The following PRKCE variants were observed in gnomAD, a reference collection of about 807,000 sequenced individuals.
The protein encoded by PRKCE is protein kinase C epsilon, also known as protein kinase C epsilon type.
A neutral mutation model predicts 85.4 loss-of-function variants in PRKCE; 16 were observed. That is an observed-to-expected ratio of 0.19 (90% CI 0.13 to 0.28). The LOEUF is 0.28. Among genes scored for constraint, PRKCE ranks in the 10% least tolerant of loss-of-function variants. The pLI is 1.00. For missense variants in PRKCE, 573 were observed against 975.2 expected (o/e 0.59, Z 5.49); for synonymous variants, 388 against 371.5 (o/e 1.04, Z -0.51).
At chr2:45,994,506 C>G (rs757980222) in intron 6 of PRKCE, among the ~76,000 whole-genome samples, 2 of 152,210 alleles carry the variant, frequency 1.3e-5, no homozygotes, top group Admixed American at 6.5e-5. Context: ...ATAGTTTTAC[C>G]TTTTCCAGAA....
intron 1 of PRKCE, among the ~76,000 whole-genome samples, chr2:45,678,655 T>A (rs2103907011): frequency 6.6e-6 from 1 of 152,254 alleles, no homozygotes; most frequent in East Asian, 1.9e-4. Context: ...ATAAATAAAT[T>A]ATTTACTGTC....
chr2:46,118,206 G>A (rs12616328), intron 11 of PRKCE, among the ~76,000 whole-genome samples: 118,980 of 152,146 alleles, frequency 0.78, 46,816 homozygotes, highest in East Asian at 0.97. Context: ...AGGTTGTTTA[G>A]AATGACGACA....
intron 13 of PRKCE, among the ~76,000 whole-genome samples, chr2:46,154,753 A>G (rs542689776): frequency 5.3e-5 from 8 of 150,422 alleles, no homozygotes; most frequent in Non-Finnish European, 7.4e-5. Flanking sequence ...TTTTTTTACA[A>G]AAAACTAAAC....
In PRKCE at chr2:46,138,356, T is replaced by C. The variant is rs1341092092; in HGVS notation, c.1593-6737T>C. ...TATCTAATAGGTGGTCACGGGCAGT[T>C]ATGTAGGGTCAGCCCACGCTGCCTC... is the stretch of plus-strand genomic sequence containing the variant. On this transcript the variant is annotated intron_variant, in intron 11 of 14. Coordinates refer to ENST00000306156, the MANE Select transcript of PRKCE (RefSeq NM_005400.3). The surrounding 1 kb of genome is among the most constrained non-coding windows in gnomAD (Gnocchi z 4.2). Among the ~76,000 whole-genome samples, 1 of 152,206 alleles carries C rather than the reference T, an allele frequency of 6.6e-6. No individual in the cohort carries two copies. Among genetic ancestry groups the C allele is most frequent in the African/African-American group, 2.4e-5 (1 of 41,444 alleles).
At chr2:46,044,134 G>T (rs1453868305) in intron 10 of PRKCE, among the ~76,000 whole-genome samples, 2 of 152,216 alleles carry the variant, frequency 1.3e-5, no homozygotes, top group African/African-American at 4.8e-5. Flanking sequence ...ACGCACTGGG[G>T]ACTGTGTTCA....
chr2:45,777,759 C>G (rs1014657027), intron 1 of PRKCE, among the ~76,000 whole-genome samples: 4 of 152,090 alleles, frequency 2.6e-5, no homozygotes, highest in African/African-American at 7.2e-5. Flanking sequence ...CCCCCACACT[C>G]CTAATCACAG....
intron 1 of PRKCE, among the ~76,000 whole-genome samples, chr2:45,709,247 C>T (rs781195745): frequency 8.5e-5 from 13 of 152,330 alleles, no homozygotes; most frequent in South Asian, 2.1e-4. Flanking sequence ...GCCAGCATAC[C>T]GGGCAGACCC....
At chr2:45,863,028 G>A (rs2105674536) in intron 2 of PRKCE, among the ~76,000 whole-genome samples, 1 of 152,318 alleles carries the variant, frequency 6.6e-6, no homozygotes, top group African/African-American at 2.4e-5. Context: ...GAGGAGAAGA[G>A]AGCAGTTGGG....
At chr2:45,694,025 C>T (rs1011129333) in intron 1 of PRKCE, among the ~76,000 whole-genome samples, 1 of 151,676 alleles carries the variant, frequency 6.6e-6, no homozygotes, top group Non-Finnish European at 1.5e-5. Context: ...CCACCTTAAT[C>T]CTGGGGGATG....
intron 1 of PRKCE, among the ~76,000 whole-genome samples, chr2:45,826,682 C>T (rs1264474334): frequency 6.6e-6 from 1 of 152,180 alleles, no homozygotes; most frequent in African/African-American, 2.4e-5. Context: ...TGCAAACCTG[C>T]TCCTGTTCAC....
rs1202035552 is a variant in PRKCE at position 45,835,595 on chromosome 2, TTG to T, written c.349-7403_349-7402del. On this transcript the variant is annotated intron_variant, in intron 1 of 14. Coordinates refer to ENST00000306156, the MANE Select transcript of PRKCE (RefSeq NM_005400.3). The stretch of plus-strand genomic sequence containing the variant: ...GTTGTTGCATGTATCGGTAGTATAT[TTG>T]TTTTTTTTTTTTTTTTTAAGAGACA... Among the ~76,000 whole-genome samples the T allele has an allele frequency of 4.2e-3, 361 of 85,096 alleles. 5 individuals carry two copies. Among genetic ancestry groups the T allele is most frequent in the African/African-American group, 0.016 (332 of 21,062 alleles). The allele number at this position is 85,096 out of a possible 152,430, so 55.8% of individuals were successfully genotyped here. A position where few individuals can be genotyped will look rare whatever the true frequency, so the allele number is the denominator to read the frequency against.
intron 1 of PRKCE, among the ~76,000 whole-genome samples, chr2:45,684,681 A>C (rs1311686358): frequency 6.6e-6 from 1 of 152,178 alleles, no homozygotes; most frequent in Non-Finnish European, 1.5e-5. Flanking sequence ...GTCAGGGGGC[A>C]AGTTGGGACT....
chr2:45,988,500 C>T (rs943598620), intron 6 of PRKCE, among the ~76,000 whole-genome samples: 15 of 151,976 alleles, frequency 9.9e-5, no homozygotes, highest in African/African-American at 3.4e-4. Context: ...GGCATACAAC[C>T]AGGAACTGTG....
At chr2:45,810,089 G>A (rs1255086482) in intron 1 of PRKCE, among the ~76,000 whole-genome samples, 1 of 151,902 alleles carries the variant, frequency 6.6e-6, no homozygotes, top group African/African-American at 2.4e-5. Flanking sequence ...CCCCCAGGCT[G>A]GAGTGCAATG....
chr2:46,175,991 C>T (rs569492820), intron 14 of PRKCE, among the ~76,000 whole-genome samples: 1 of 152,256 alleles, frequency 6.6e-6, no homozygotes, highest in South Asian at 2.1e-4. Context: ...AACTCACCGT[C>T]TGGAGATTCC....
At chr2:45,706,773 C>G (rs540407594) in intron 1 of PRKCE, among the ~76,000 whole-genome samples, 1 of 152,314 alleles carries the variant, frequency 6.6e-6, no homozygotes, top group Non-Finnish European at 1.5e-5. Context: ...AAGAATACTG[C>G]ATGTGACTCA....
At chr2:45,966,659 A>G (rs1014193282) in intron 2 of PRKCE, among the ~76,000 whole-genome samples, 8 of 151,990 alleles carry the variant, frequency 5.3e-5, no homozygotes, top group Non-Finnish European at 1.2e-4. Flanking sequence ...ATCTAGTCCC[A>G]TTTCTGCTTT....
chr2:45,934,132 C>T (rs1699263649), intron 2 of PRKCE, among the ~76,000 whole-genome samples: 1 of 152,182 alleles, frequency 6.6e-6, no homozygotes, highest in African/African-American at 2.4e-5. Context: ...GCTCAGGGCA[C>T]ACTTGAAAGC....
chr2:45,905,815 T>C lies in PRKCE; in HGVS notation c.412+62752T>C, dbSNP rs184191593. On this transcript the variant is annotated intron_variant, in intron 2 of 14. Coordinates refer to ENST00000306156, the MANE Select transcript of PRKCE (RefSeq NM_005400.3). The surrounding 1 kb of genome is among the most constrained non-coding windows in gnomAD (Gnocchi z 4.4). The stretch of plus-strand genomic sequence containing the variant: ...GACCTGAACTGCTTACTCAACTCTG[T>C]ACTCAGTTACAAATTGGGTGAGATG... Among the ~76,000 whole-genome samples the C allele has an allele frequency of 1.4e-4, 22 of 152,352 alleles. 1 individual carries two copies. The highest frequency in any genetic ancestry group is 5.2e-4 in the Admixed American group (8 of 15,308).
Sources: gnomAD v4.1 joint callset for allele counts (sites outside exome capture counted in the v4.1 genomes callset) on GRCh38, gnomAD v4.1.1 for gene constraint, Gnocchi (gnomAD v3.1) non-coding constraint, MANE v1.5 for transcripts, NCBI Gene and HGNC (gene_info 2026-07-23, HGNC 2026-07-21) for gene names.